The following SLC13A2 variants were observed in gnomAD, a reference collection of about 807,000 sequenced individuals.
The protein encoded by SLC13A2 is Na(+)-coupled citrate transporter.
A neutral mutation model predicts 58.5 loss-of-function variants in SLC13A2; 40 were observed. That is an observed-to-expected ratio of 0.68 (90% CI 0.53 to 0.89). SLC13A2 has a LOEUF of 0.89. SLC13A2 is among the 40% of genes least tolerant of loss of function. The pLI is 0.00. For missense variants in SLC13A2, 694 were observed against 772.6 expected (o/e 0.90, Z 1.21); for synonymous variants, 341 against 331.6 (o/e 1.03, Z -0.31).
chr17:28,487,007 AG>A (rs2068894792), intron 1 of SLC13A2, among the ~76,000 whole-genome samples: 1 of 152,150 alleles, frequency 6.6e-6, no homozygotes, highest in African/African-American at 2.4e-5. Context: ...CATGTTGCCC[AG>A]GCTGGTCTCA....
At chr17:28,491,927 T>C (rs1426124001) in intron 6 of SLC13A2, 75 bp downstream of exon 6, 1 of 1,547,172 alleles carries the variant, frequency 6.5e-7, no homozygotes, top group Non-Finnish European at 8.7e-7. Context: ...GGTGCAGATG[T>C]GGAAAATGAT....
chr17:28,493,792 G>A lies in SLC13A2; in HGVS notation c.1097+3G>A, dbSNP rs1555604051. 1 of 1,614,110 alleles carries A rather than the reference G, an allele frequency of 6.2e-7. No individual in the cohort carries two copies. Among genetic ancestry groups the A allele is most frequent in the South Asian group, 1.1e-5 (1 of 91,066 alleles). On this transcript the variant is annotated splice_donor_region_variant and intron_variant, in intron 7 of 11. Coordinates refer to ENST00000314669, the MANE Select transcript of SLC13A2 (RefSeq NM_003984.4). ...TTTCCCAATGCCAAGGGGGAGAGGT[G>A]AGAGTTGCAGGGGTTGGGAGGAGGA...
intron 1 of SLC13A2, chr17:28,487,652 C>T: frequency 1.2e-6 from 1 of 851,866 alleles, no homozygotes; most frequent in Non-Finnish European, 1.4e-6. Flanking sequence ...ACCCTTAGTC[C>T]AAGGGGAGGG....
At chr17:28,485,638 C>T (rs1555601842) in intron 1 of SLC13A2, among the ~76,000 whole-genome samples, 2 of 152,156 alleles carry the variant, frequency 1.3e-5, no homozygotes, top group African/African-American at 4.8e-5. Flanking sequence ...CAACTGTCAA[C>T]AAGGCAAAGC....
rs978796456 is a variant in SLC13A2 at position 28,494,231 on chromosome 17, G to A, written c.1186+126G>A. The stretch of plus-strand genomic sequence containing the variant: ...AGAAAGGCTGGAGCGACTTGCCAAG[G>A]GCACAGGGACTCGGAGACAAAGTTG... On this transcript the variant is annotated intron_variant, in intron 8 of 11. Coordinates refer to ENST00000314669, the MANE Select transcript of SLC13A2 (RefSeq NM_003984.4). The surrounding 1 kb of genome is among the most constrained non-coding windows in gnomAD (Gnocchi z 4.0). 2.7e-6 allele frequency: 4 copies of A among 1,489,072 alleles called. No individual in the cohort carries two copies. Among genetic ancestry groups the A allele is most frequent in the Non-Finnish European group, 3.7e-6 (4 of 1,075,586 alleles). The allele number at this position is 1,489,072 out of a possible 1,614,324, so 92.2% of individuals were successfully genotyped here. A position where few individuals can be genotyped will look rare whatever the true frequency, so the allele number is the denominator to read the frequency against.
intron 1 of SLC13A2, among the ~76,000 whole-genome samples, chr17:28,486,617 G>T (rs1470576543): frequency 1.3e-5 from 2 of 151,932 alleles, no homozygotes; most frequent in Non-Finnish European, 2.9e-5. Flanking sequence ...ATGTTTAAAG[G>T]GTTTGAGACT....
chr17:28,495,580 C>G, intron 9 of SLC13A2, 75 bp from the exon 10 acceptor site: 1 of 1,456,382 alleles, frequency 6.9e-7, no homozygotes, highest in Non-Finnish European at 9.4e-7. Flanking sequence ...GAGCAGGAGC[C>G]TCATAGAGCC....
Position 28,491,547 on chromosome 17 carries a change from G to T in SLC13A2, c.685G>T (p.Ala229Ser). 2 of 1,613,698 alleles carry T rather than the reference G, an allele frequency of 1.2e-6. No homozygotes were observed. Among genetic ancestry groups the T allele is most frequent in the Non-Finnish European group, 1.7e-6 (2 of 1,180,040 alleles). Reference protein sequence around the residue: ...QCMSLCVCYSASIGGIATLTG... With the variant: ...QCMSLCVCYSSSIGGIATLTG... ...CATGAGCCTGTGCGTGTGCTACTCC[G>T]CCAGCATCGGGGGCATCGCCACGCT... Residue 229 changes from alanine (A) to serine (S), a missense_variant, in exon 5 of 12, where the codon GCC (alanine) becomes TCC (serine). Transcript: ENST00000314669.
intron 9 of SLC13A2, among the ~76,000 whole-genome samples, chr17:28,495,334 G>C (rs1294032878): frequency 6.6e-6 from 1 of 152,128 alleles, no homozygotes; most frequent in Non-Finnish European, 1.5e-5. Flanking sequence ...GGTTGTCCAG[G>C]GACCTCCTGA....
rs145737785 is a variant in SLC13A2, at chr17:28,474,238, A to C, written c.102+424A>C. Among the ~76,000 whole-genome samples, 72 of 152,210 alleles carry C rather than the reference A, an allele frequency of 4.7e-4. 1 individual carries two copies. The highest frequency in any genetic ancestry group is 8.2e-4 in the Non-Finnish European group (56 of 67,996). On this transcript the variant is annotated intron_variant, in intron 1 of 11. Coordinates refer to ENST00000314669, the MANE Select transcript of SLC13A2 (RefSeq NM_003984.4). ...AGAGGGTTGGAAGGAGAATAGGAGA[A>C]AGCTGGCTGCAGGCGGTCTGCATCT... is the stretch of plus-strand genomic sequence containing the variant.
chr17:28,488,247 G>C (rs781943920), intron 1 of SLC13A2, among the ~76,000 whole-genome samples: 6 of 152,312 alleles, frequency 3.9e-5, no homozygotes, highest in Admixed American at 3.9e-4. Context: ...CCTGTACGAG[G>C]TGGAGAGGAC....
chr17:28,494,429 G>T lies in SLC13A2; in HGVS notation c.1225G>T (p.Asp409Tyr). The T allele has an allele frequency of 6.2e-7, 1 of 1,614,010 alleles. No homozygotes were observed. The highest frequency in any genetic ancestry group is 1.1e-5 in the South Asian group (1 of 91,042). Residue 409 changes from aspartate (D) to tyrosine (Y), a missense_variant, in exon 9 of 12, where the codon GAC becomes TAC. Asp to Tyr is a radical substitution (Grantham distance 160, BLOSUM62 -3). Coordinates refer to ENST00000314669, the MANE Select transcript of SLC13A2 (RefSeq NM_003984.4). This position sits in a 1 kb window ranked among gnomAD's most constrained non-coding sequence, Gnocchi z 4.0. ...GCTGAAGGCCCCTCTTGGCCTCCTC[G>T]ACTGGAAGACGGTGAACCAGAAGAT... The part of the protein sequence containing the change: ...GKLKAPLGLL[D>Y]WKTVNQKMPW...
At position 28,494,491 on chromosome 17, in the gene SLC13A2, T is replaced by C; in HGVS notation, c.1287T>C (p.Tyr429=). The change falls in exon 9 of 12, where the codon TAT becomes TAC. Residue 429 remains tyrosine (Y), a synonymous_variant. Coordinates refer to ENST00000314669, the MANE Select transcript of SLC13A2 (RefSeq NM_003984.4). This position sits in a 1 kb window ranked among gnomAD's most constrained non-coding sequence, Gnocchi z 4.0. The part of the protein sequence containing the change: ...WNIVLLLGGG[Y]ALAKGSERSG... ...TCGTGTTATTGCTGGGTGGTGGCTATGCCCTGGCCAAGGGCAGTGAGGTGA... is the reference window on the plus strand; with the variant it reads ...TCGTGTTATTGCTGGGTGGTGGCTACGCCCTGGCCAAGGGCAGTGAGGTGA... 3 of 1,613,988 alleles carry C rather than the reference T, an allele frequency of 1.9e-6. No homozygotes were observed. Among genetic ancestry groups the C allele is most frequent in the Non-Finnish European group, 1.7e-6 (2 of 1,179,926 alleles).
At chr17:28,495,618 G>A (rs2151464593) in intron 9 of SLC13A2, 37 bp from the exon 10 acceptor site, 1 of 1,592,712 alleles carries the variant, frequency 6.3e-7, no homozygotes, top group East Asian at 2.2e-5. Flanking sequence ...GGCCCAGGCA[G>A]CCTTGCCTCT....
At chr17:28,492,823 T>C (rs1286733744) in intron 6 of SLC13A2, among the ~76,000 whole-genome samples, 1 of 152,212 alleles carries the variant, frequency 6.6e-6, no homozygotes, top group Non-Finnish European at 1.5e-5. Context: ...AGTGTTACTG[T>C]GGTATTAATT....
intron 6 of SLC13A2, among the ~76,000 whole-genome samples, chr17:28,493,066 G>T (rs2069059940): frequency 6.6e-6 from 1 of 152,230 alleles, no homozygotes; most frequent in Admixed American, 6.5e-5. Context: ...CCAGCAGGGA[G>T]GTTGAGATTT....
chr17:28,484,838 G>A (rs1237125612), intron 1 of SLC13A2, among the ~76,000 whole-genome samples: 6 of 152,176 alleles, frequency 3.9e-5, no homozygotes, highest in Admixed American at 3.9e-4. Context: ...ATGAGTGGCT[G>A]ATGAACAGGC....
chr17:28,494,573 G>A lies in SLC13A2; in HGVS notation c.1308+61G>A, dbSNP rs190697044. On this transcript the variant is annotated intron_variant, in intron 9 of 11. Coordinates refer to ENST00000314669, the MANE Select transcript of SLC13A2 (RefSeq NM_003984.4). This position sits in a 1 kb window ranked among gnomAD's most constrained non-coding sequence, Gnocchi z 4.0. ...AGGGTGTCTCTGTGGCAGGGAGAGA[G>A]GGGGCCCTGCTTCTGTCCCACAGAG... 3.1e-6 allele frequency: 5 copies of A among 1,605,704 alleles called. No individual in the cohort carries two copies. The highest frequency in any genetic ancestry group is 1.3e-5 in the African/African-American group (1 of 74,822).
At chr17:28,482,121 G>C (rs1396806701) in intron 1 of SLC13A2, among the ~76,000 whole-genome samples, 1 of 152,164 alleles carries the variant, frequency 6.6e-6, no homozygotes, top group East Asian at 1.9e-4. Flanking sequence ...GGTGGTTCCG[G>C]TGATTCCCCC....
Sources: allele counts gnomAD v4.1 joint callset (sites outside exome capture counted in the v4.1 genomes callset), GRCh38; gene constraint gnomAD v4.1.1; non-coding constraint Gnocchi (gnomAD v3.1); transcripts MANE v1.5; gene names NCBI Gene and HGNC (gene_info 2026-07-23, HGNC 2026-07-21).